TRAPPC10: variants seen among roughly 807,000 people sequenced by gnomAD.
The protein encoded by TRAPPC10 is TRAPP 130 kDa subunit.
In TRAPPC10, 23 loss-of-function variants were observed where a neutral mutation model predicts 125.5. The observed-to-expected ratio is 0.18, with a 90% CI of 0.13 to 0.26. The LOEUF (loss-of-function observed/expected upper bound fraction) is 0.26, where lower values mean the gene tolerates loss of function less well. Among genes scored for constraint, TRAPPC10 ranks in the 10% least tolerant of loss-of-function variants. The pLI, the probability that TRAPPC10 is intolerant of heterozygous loss-of-function variation, is 1.00. For missense variants in TRAPPC10, 1,123 were observed against 1,308.4 expected (o/e 0.86, Z 2.19); for synonymous variants, 509 against 518.0 (o/e 0.98, Z 0.24).
At chr21:44,038,475 G>A (rs1374180087) in intron 3 of TRAPPC10, among the ~76,000 whole-genome samples, 1 of 151,838 alleles carries the variant, frequency 6.6e-6, no homozygotes, top group African/African-American at 2.4e-5. Flanking sequence ...CTTCCTCCCT[G>A]TTGCCGTGCC....
intron 15 of TRAPPC10, 141 bp from the exon 16 acceptor site, chr21:44,086,661 A>G: frequency 2.3e-6 from 2 of 875,082 alleles, no homozygotes; most frequent in Non-Finnish European, 3.6e-6. Context: ...AAGGGAATGG[A>G]AGTAGAAGGA....
rs896282744 is a variant in TRAPPC10, at chr21:44,021,433, CTG to C, written c.67+8875_67+8876del. ...GAGAAGGATAAGGGAAATGGAAGAA[CTG>C]TAACATTTCACATATTTTATTATAA... On this transcript the variant is annotated intron_variant, in intron 1 of 22. Coordinates refer to ENST00000291574, the MANE Select transcript of TRAPPC10 (RefSeq NM_003274.5). Among the ~76,000 whole-genome samples, 72 of 152,282 alleles carry C rather than the reference CTG, an allele frequency of 4.7e-4. 1 individual carries two copies. In the Middle Eastern group the frequency reaches 0.02, roughly 43 times the overall value.
intron 1 of TRAPPC10, among the ~76,000 whole-genome samples, chr21:44,024,682 A>T (rs188269579): frequency 2.0e-5 from 3 of 152,156 alleles, no homozygotes; most frequent in Admixed American, 2.0e-4. Context: ...ATTTAAGTTC[A>T]CTTGTTTTAT....
Position 44,082,696 on chromosome 21 carries a change from C to T in TRAPPC10, c.1724-92C>T, listed in dbSNP as rs2037838355. 7.0e-7 allele frequency: 1 copy of T among 1,437,072 alleles called. No homozygotes were observed. Among genetic ancestry groups the T allele is most frequent in the Non-Finnish European group, 9.6e-7 (1 of 1,045,268 alleles). The allele number at this position is 1,437,072 out of a possible 1,614,324, so 89.0% of individuals were successfully genotyped here. A position where few individuals can be genotyped will look rare whatever the true frequency, so the allele number is the denominator to read the frequency against. On this transcript the variant is annotated intron_variant, in intron 13 of 22. Transcript: ENST00000291574. The surrounding 1 kb of genome is among the most constrained non-coding windows in gnomAD (Gnocchi z 4.4). ...CATCACTGCTGCTTGCTTCAGTCTG[C>T]TCTCGGTGATCTTACTGTGTCCGCG...
chr21:44,064,137 A>G (rs1412382851), intron 7 of TRAPPC10, among the ~76,000 whole-genome samples: 2 of 152,206 alleles, frequency 1.3e-5, no homozygotes, highest in African/African-American at 4.8e-5. Context: ...TTGCATGTAG[A>G]CATTTATTTT....
At chr21:44,079,958 C>T (rs2037566039) in intron 12 of TRAPPC10, 57 bp from the exon 13 acceptor site, 2 of 1,483,832 alleles carry the variant, frequency 1.3e-6, no homozygotes, top group African/African-American at 1.4e-5. Flanking sequence ...TTTGCATCCA[C>T]TTCCCCCCGC....
chr21:44,073,657 C>G (rs2037050541), intron 7 of TRAPPC10, among the ~76,000 whole-genome samples: 1 of 152,182 alleles, frequency 6.6e-6, no homozygotes, highest in African/African-American at 2.4e-5. Context: ...CATCTGCATC[C>G]TCGTTCACTT....
chr21:44,050,991 G>T (rs897103523), intron 3 of TRAPPC10, among the ~76,000 whole-genome samples: 1 of 152,076 alleles, frequency 6.6e-6, no homozygotes, highest in Admixed American at 6.5e-5. Flanking sequence ...TACAACCTCC[G>T]CCTCCCAGTT....
Position 44,087,972 on chromosome 21 carries a change from C to T in TRAPPC10, c.2769+44C>T, listed in dbSNP as rs372477184. 60 of 1,523,578 alleles carry T rather than the reference C, an allele frequency of 3.9e-5. No homozygotes were observed. Among genetic ancestry groups the T allele is most frequent in the Middle Eastern group, 2.2e-4 (1 of 4,478 alleles). The allele number at this position is 1,523,578 out of a possible 1,614,324, so 94.4% of individuals were successfully genotyped here. Reference sequence around the variant, plus strand: ...GGAGCTTAGCTTGTGGGGCGTCCGCCGCCCGCCTGCCTGCTGGGAAAGGCG... The same window carrying T: ...GGAGCTTAGCTTGTGGGGCGTCCGCTGCCCGCCTGCCTGCTGGGAAAGGCG... On this transcript the variant is annotated intron_variant, in intron 17 of 22. Coordinates refer to ENST00000291574, the MANE Select transcript of TRAPPC10 (RefSeq NM_003274.5). The surrounding 1 kb of genome is among the most constrained non-coding windows in gnomAD (Gnocchi z 4.6).
chr21:44,069,179 A>T (rs2036673763), intron 7 of TRAPPC10, among the ~76,000 whole-genome samples: 1 of 152,202 alleles, frequency 6.6e-6, no homozygotes, highest in South Asian at 2.1e-4. Flanking sequence ...GTCCTGCATT[A>T]GACTACGTAA....
chr21:44,063,739 C>T lies in TRAPPC10; in HGVS notation c.992C>T (p.Ala331Val). The T allele has an allele frequency of 1.9e-6, 3 of 1,614,150 alleles. No individual in the cohort carries two copies. The highest frequency in any genetic ancestry group is 2.5e-6 in the Non-Finnish European group (3 of 1,180,030). Residue 331 changes from alanine to valine, a missense_variant, in exon 7 of 23, where the codon GCC becomes GTC. Coordinates refer to ENST00000291574, the MANE Select transcript of TRAPPC10 (RefSeq NM_003274.5). The surrounding 1 kb of genome is among the most constrained non-coding windows in gnomAD (Gnocchi z 4.4). ...LQRPWEVAQRALELLHNCVQE... is the reference protein window; with the variant it reads ...LQRPWEVAQRVLELLHNCVQE... ...AGGCCGTGGGAGGTGGCCCAGCGCG[C>T]CCTAGAGCTGCTGCACAACTGCGTG...
intron 1 of TRAPPC10, among the ~76,000 whole-genome samples, chr21:44,015,894 G>A (rs1210395434): frequency 6.6e-6 from 1 of 152,150 alleles, no homozygotes; most frequent in Admixed American, 6.6e-5. Context: ...GATTACAGGC[G>A]TGAGCCCCCG....
At chr21:44,093,965 C>T (rs2038755142) in intron 19 of TRAPPC10, 98 bp from the exon 20 acceptor site, 1 of 1,340,298 alleles carries the variant, frequency 7.5e-7, no homozygotes, top group African/African-American at 1.5e-5. Context: ...ATGGTGTCTG[C>T]TCAGCACCCT....
At position 44,075,683 on chromosome 21, in the gene TRAPPC10, G is replaced by A. The variant is rs150830335; in HGVS notation, c.1300+530G>A. ...TAATTTTTTGTAGAGATGGAGTCTC[G>A]CTGTATTGCCCAGGCTGGTCTCAAA... On this transcript the variant is annotated intron_variant, in intron 9 of 22. Transcript: ENST00000291574. Among the ~76,000 whole-genome samples, 433 of 152,156 alleles carry A rather than the reference G, an allele frequency of 2.8e-3. 1 individual carries two copies. The highest frequency in any genetic ancestry group is 3.0e-3 in the Non-Finnish European group (206 of 67,988).
intron 7 of TRAPPC10, among the ~76,000 whole-genome samples, chr21:44,067,369 C>T (rs951913432): frequency 2.0e-5 from 3 of 152,126 alleles, no homozygotes; most frequent in African/African-American, 7.2e-5. Context: ...TTGCTGAGGG[C>T]TTACAGTGTA....
At chr21:44,032,951 G>T (rs977486579) in intron 2 of TRAPPC10, among the ~76,000 whole-genome samples, 59 of 152,254 alleles carry the variant, frequency 3.9e-4, no homozygotes, top group African/African-American at 1.4e-3. Context: ...CAGAAAGATG[G>T]TATTTAAAAA....
intron 3 of TRAPPC10, among the ~76,000 whole-genome samples, chr21:44,047,792 A>G (rs1970479125): frequency 6.6e-6 from 1 of 152,138 alleles, no homozygotes; most frequent in African/African-American, 2.4e-5. Flanking sequence ...TCTTTTTCTT[A>G]ATTAAGTATC....
At chr21:44,012,664 G>T (rs998547414) in intron 1 of TRAPPC10, 104 bp downstream of exon 1, 53 of 1,052,056 alleles carry the variant, frequency 5.0e-5, no homozygotes, top group South Asian at 4.4e-4. Context: ...GCGCGCTCCG[G>T]GCTGGGCCGC....
intron 1 of TRAPPC10, among the ~76,000 whole-genome samples, chr21:44,022,531 C>G (rs2032636841): frequency 7.3e-6 from 1 of 137,030 alleles, no homozygotes; most frequent in Admixed American, 8.1e-5. Context: ...TCAGGCTTAT[C>G]TCGAACTCCC....
Sources: allele counts gnomAD v4.1 joint callset (sites outside exome capture counted in the v4.1 genomes callset), GRCh38; gene constraint gnomAD v4.1.1; non-coding constraint Gnocchi (gnomAD v3.1); transcripts MANE v1.5; gene names NCBI Gene and HGNC (gene_info 2026-07-23, HGNC 2026-07-21).